Variants in PDE1C observed in about 807,000 individuals in gnomAD.
PDE1C encodes the protein phosphodiesterase 1C.
A neutral mutation model predicts 93.1 loss-of-function variants in PDE1C; 62 were observed. The observed-to-expected ratio is 0.67, with a 90% CI of 0.54 to 0.82. The LOEUF is 0.82. Ranked by LOEUF, PDE1C falls within the 40% of genes least tolerant of loss-of-function variation. The pLI is 0.00. For missense variants in PDE1C, 742 were observed against 884.6 expected, an observed-to-expected ratio of 0.84 and a Z score of 2.04; for synonymous variants, 325 against 310.1, an observed-to-expected ratio of 1.05 and a Z score of -0.50.
chr7:32,259,421 G>A (rs368551370), intron 1 of PDE1C, among the ~76,000 whole-genome samples: 14 of 152,220 alleles, frequency 9.2e-5, no homozygotes, highest in African/African-American at 3.4e-4. Context: ...TCAGGGCCCC[G>A]GCAAGTCTCT....
At chr7:32,168,119 T>A (rs1206384616) in intron 3 of PDE1C, among the ~76,000 whole-genome samples, 1 of 152,162 alleles carries the variant, frequency 6.6e-6, no homozygotes, top group Non-Finnish European at 1.5e-5. Flanking sequence ...TAAATGCTAA[T>A]GGATTTCTTG....
At chr7:31,736,397 G>A in the PDE1C span, among the ~76,000 whole-genome samples, 31 of 152,122 alleles carry the variant, frequency 2.0e-4, no homozygotes, top group Non-Finnish European at 4.6e-4. Context: ...CCAAACTGGA[G>A]ACCCAGGTTC....
chr7:31,672,551 TTC>T, the PDE1C span, among the ~76,000 whole-genome samples: 11 of 151,478 alleles, frequency 7.3e-5, no homozygotes, highest in South Asian at 2.3e-3. Context: ...CTTCTCTGAT[TTC>T]TTTTTTTTCT....
the PDE1C span, among the ~76,000 whole-genome samples, chr7:31,649,937 C>T: frequency 6.6e-6 from 1 of 152,026 alleles, no homozygotes; most frequent in Admixed American, 6.5e-5. Flanking sequence ...TTTGGGCATT[C>T]TAAAGAGAGA....
chr7:31,749,475 GT>G (rs1794074937), downstream of PDE1C, among the ~76,000 whole-genome samples: 1 of 152,144 alleles, frequency 6.6e-6, no homozygotes, highest in Non-Finnish European at 1.5e-5. Flanking sequence ...CCCATTGTTT[GT>G]CAGGGTGAGC....
exon 1 of PDE1C, chr7:32,427,930 T>C (rs1022301648): frequency 6.6e-6 from 1 of 152,390 alleles, no homozygotes; most frequent in African/African-American, 2.4e-5. Context: ...TCTCGATGTC[T>C]CGCCGCGGGC....
the PDE1C span, among the ~76,000 whole-genome samples, chr7:31,729,851 G>A: frequency 1.3e-5 from 2 of 152,140 alleles, no homozygotes; most frequent in African/African-American, 4.8e-5. Flanking sequence ...CTATTCTCAG[G>A]AGCCTTCTGT....
intron 16 of PDE1C, chr7:31,787,932 A>T (rs545929750): frequency 9.2e-5 from 14 of 152,318 alleles, no homozygotes; most frequent in Non-Finnish European, 1.8e-4. Context: ...TTTACTCAAT[A>T]TCCCTTCGAA....
At position 32,356,963 on chromosome 7, in the gene PDE1C, T is replaced by C. The variant is rs539518440; in HGVS notation, c.310+70859A>G. ...ATGCTAGATGAATGCCACTTATTTT[T>C]TGCCAAGATCTACACACACCACATC... On this transcript the variant is annotated intron_variant, in intron 1 of 1. Transcript: ENST00000672256. Among the ~76,000 whole-genome samples the C allele has an allele frequency of 1.3e-4, 13 of 103,534 alleles. No homozygotes were observed. In the South Asian group the frequency reaches 3.6e-3, roughly 29 times the overall value. The allele number at this position is 103,534 out of a possible 152,430, so 67.9% of individuals were successfully genotyped here.
At chr7:32,067,367 A>T (rs1408939632) in intron 1 of PDE1C, among the ~76,000 whole-genome samples, 1 of 152,212 alleles carries the variant, frequency 6.6e-6, no homozygotes, top group Non-Finnish European at 1.5e-5. Context: ...CTTATATTCT[A>T]GCTGGAGGAG....
chr7:32,193,913 T>A (rs1212544802), intron 2 of PDE1C, among the ~76,000 whole-genome samples: 2 of 116,446 alleles, frequency 1.7e-5, no homozygotes, highest in East Asian at 5.9e-4. Context: ...TTGGTTTTGT[T>A]TTGTTTTTTT....
intron 2 of PDE1C, among the ~76,000 whole-genome samples, chr7:32,019,355 T>C (rs1788348390): frequency 6.6e-6 from 1 of 152,084 alleles, no homozygotes; most frequent in African/African-American, 2.4e-5. Context: ...GAGGTGCACA[T>C]ATTGTTTGAG....
At chr7:32,084,987 A>G (rs1796973912) in intron 3 of PDE1C, among the ~76,000 whole-genome samples, 1 of 133,880 alleles carries the variant, frequency 7.5e-6, no homozygotes, top group Non-Finnish European at 1.6e-5. Context: ...GCAGAAGGCA[A>G]GAAACAACTA....
intron 2 of PDE1C, among the ~76,000 whole-genome samples, chr7:31,909,303 C>T (rs1019700716): frequency 1.3e-5 from 2 of 152,070 alleles, no homozygotes; most frequent in African/African-American, 4.8e-5. Context: ...TTAAAAATTA[C>T]AAGACATAAA....
At chr7:31,791,137 C>T (rs761266102) in intron 16 of PDE1C, among the ~76,000 whole-genome samples, 1 of 152,076 alleles carries the variant, frequency 6.6e-6, no homozygotes, top group Non-Finnish European at 1.5e-5. Flanking sequence ...AGATACTCTC[C>T]TAAGATTTAG....
chr7:31,620,252 GCAGTGGTTCTCC>G, the PDE1C span, among the ~76,000 whole-genome samples: 1 of 152,122 alleles, frequency 6.6e-6, no homozygotes, highest in Non-Finnish European at 1.5e-5. Flanking sequence ...TTTGAAGAGA[GCAGTGGTTCTCC>G]CAGCATGCAG....
chr7:32,067,647 G>C (rs1795559610), intron 1 of PDE1C, among the ~76,000 whole-genome samples: 2 of 151,976 alleles, frequency 1.3e-5, no homozygotes, highest in Admixed American at 1.3e-4. Context: ...TTCAGCCCTG[G>C]GCCACAACTC....
At chr7:32,153,778 G>A (rs1322162245) in intron 3 of PDE1C, among the ~76,000 whole-genome samples, 1 of 152,202 alleles carries the variant, frequency 6.6e-6, no homozygotes, top group Non-Finnish European at 1.5e-5. Context: ...GGCTGCTGGT[G>A]TTGCCATTGA....
chr7:32,271,104 C>T (rs1585057878), intron 1 of PDE1C, among the ~76,000 whole-genome samples: 1 of 152,202 alleles, frequency 6.6e-6, no homozygotes, highest in Non-Finnish European at 1.5e-5. Context: ...CACCATTGCA[C>T]TCCAGCCTGG....
Sources: gnomAD v4.1 joint callset for allele counts (sites outside exome capture counted in the v4.1 genomes callset) on GRCh38, gnomAD v4.1.1 for gene constraint, MANE v1.5 for transcripts, NCBI Gene and HGNC (gene_info 2026-07-23, HGNC 2026-07-21) for gene names.